The following GRIK2 variants were observed in gnomAD, a reference collection of about 807,000 sequenced individuals.
GRIK2 encodes the protein glutamate ionotropic receptor kainate type subunit 2, also known as glutamate receptor ionotropic, kainate 2.
Under a neutral mutation model 100.3 loss-of-function variants are expected in GRIK2, and 32 were observed. That is an observed-to-expected ratio of 0.32 (90% CI 0.24 to 0.43). GRIK2 has a LOEUF of 0.43. Among genes scored for constraint, GRIK2 ranks in the 20% least tolerant of loss-of-function variants. The pLI is 1.00. For missense variants in GRIK2, 843 were observed against 1,114.9 expected, an observed-to-expected ratio of 0.76 and a Z score of 3.47; for synonymous variants, 417 against 389.4, an observed-to-expected ratio of 1.07 and a Z score of -0.83.
chr6:101,963,090 AT>A (rs1191910669), intron 14 of GRIK2, among the ~76,000 whole-genome samples: 1 of 151,448 alleles, frequency 6.6e-6, no homozygotes, highest in Non-Finnish European at 1.5e-5. Flanking sequence ...CTGCCAATTA[AT>A]TTTTATCTTT....
At chr6:101,511,139 G>A (rs906133443) in intron 2 of GRIK2, among the ~76,000 whole-genome samples, 1 of 152,110 alleles carries the variant, frequency 6.6e-6, no homozygotes, top group South Asian at 2.1e-4. Context: ...ATGTTAAGTA[G>A]CTTACAACAA....
intron 14 of GRIK2, among the ~76,000 whole-genome samples, chr6:101,943,097 C>G (rs906406274): frequency 2.6e-5 from 4 of 152,192 alleles, no homozygotes; most frequent in Non-Finnish European, 4.4e-5. Flanking sequence ...CCCTGAGTAG[C>G]AGCCACTCCA....
In GRIK2 at chr6:101,399,030, G is replaced by A. The variant is rs986349840; in HGVS notation, c.-248G>A. On this transcript the variant is annotated 5_prime_UTR_variant, in exon 2 of 17. Coordinates refer to ENST00000369134, the MANE Select transcript of GRIK2 (RefSeq NM_021956.5). Reference sequence around the variant, plus strand: ...TGGGTGTGCGTGCTGGATTTCTCCCGGATGCTCTCCGACTAACATGGATGT... The same window carrying A: ...TGGGTGTGCGTGCTGGATTTCTCCCAGATGCTCTCCGACTAACATGGATGT... The A allele has an allele frequency of 2.3e-6, 1 of 442,928 alleles. No individual in the cohort carries two copies. Among genetic ancestry groups the A allele is most frequent in the Non-Finnish European group, 4.0e-6 (1 of 250,954 alleles). The allele number at this position is 442,928 out of a possible 1,614,324, so 27.4% of individuals were successfully genotyped here. A position where few individuals can be genotyped will look rare whatever the true frequency, so the allele number is the denominator to read the frequency against.
chr6:101,903,201 T>C (rs1787996466), intron 12 of GRIK2, among the ~76,000 whole-genome samples: 1 of 151,892 alleles, frequency 6.6e-6, no homozygotes, highest in African/African-American at 2.4e-5. Flanking sequence ...TAGATCGCCC[T>C]AGCTGCAAGA....
At chr6:101,827,610 A>G (rs897228835) in intron 10 of GRIK2, among the ~76,000 whole-genome samples, 3 of 152,030 alleles carry the variant, frequency 2.0e-5, no homozygotes, top group African/African-American at 7.2e-5. Flanking sequence ...AAACAAAAAA[A>G]GGACAGGGAT....
At chr6:101,988,719 A>T (rs1391076386) in intron 14 of GRIK2, among the ~76,000 whole-genome samples, 2 of 151,900 alleles carry the variant, frequency 1.3e-5, no homozygotes, top group Non-Finnish European at 2.9e-5. Context: ...GCCTGTGGAT[A>T]TACACTCCTG....
At chr6:101,956,306 G>T (rs961698570) in intron 14 of GRIK2, among the ~76,000 whole-genome samples, 27 of 151,992 alleles carry the variant, frequency 1.8e-4, no homozygotes, top group African/African-American at 6.5e-4. Flanking sequence ...AGCCACATGA[G>T]ATATTAATTT....
rs142139605 is a variant in GRIK2, at chr6:102,015,654, C to T, written c.2086-19687C>T. 4.6e-3 allele frequency among the ~76,000 whole-genome samples: 700 copies of T among 152,288 alleles called. 4 individuals are homozygous for T. Among genetic ancestry groups the T allele is most frequent in the Middle Eastern group, 0.01 (3 of 294 alleles). ...CAGCAGCTAAATGCATGTACTCCAC[C>T]GTGCTGCTGCTGCTACTGCTTCTGG... is the stretch of plus-strand genomic sequence containing the variant. On this transcript the variant is annotated intron_variant, in intron 14 of 16. Transcript: ENST00000369134.
intron 12 of GRIK2, among the ~76,000 whole-genome samples, chr6:101,914,495 G>A (rs1788966899): frequency 6.6e-6 from 1 of 151,354 alleles, no homozygotes; most frequent in Non-Finnish European, 1.5e-5. Flanking sequence ...GAGCAAATAG[G>A]CTAGCTGTAT....
intron 7 of GRIK2, among the ~76,000 whole-genome samples, chr6:101,772,444 C>A (rs1386816411): frequency 6.6e-6 from 1 of 152,156 alleles, no homozygotes; most frequent in African/African-American, 2.4e-5. Flanking sequence ...CACTGAGTTA[C>A]TAGGACCATA....
At chr6:101,560,585 T>G (rs1482061468) in intron 2 of GRIK2, among the ~76,000 whole-genome samples, 3 of 152,018 alleles carry the variant, frequency 2.0e-5, no homozygotes, top group Non-Finnish European at 4.4e-5. Flanking sequence ...TAAAAAAAAT[T>G]GATAATTAAA....
rs551894488 is a variant in GRIK2 at position 101,896,171 on chromosome 6, G to A, written c.1748+6308G>A. 3.3e-5 allele frequency among the ~76,000 whole-genome samples: 5 copies of A among 151,814 alleles called. 1 individual carries two copies. Among genetic ancestry groups the A allele is most frequent in the African/African-American group, 1.2e-4 (5 of 41,532 alleles). Reference sequence around the variant, plus strand: ...CCAACCCAGAAAAAATTCTTAGTTTGTATCTTTAGTAGAACCAAACCAATT... The same window carrying A: ...CCAACCCAGAAAAAATTCTTAGTTTATATCTTTAGTAGAACCAAACCAATT... On this transcript the variant is annotated intron_variant, in intron 12 of 16. Coordinates refer to ENST00000369134, the MANE Select transcript of GRIK2 (RefSeq NM_021956.5).
At chr6:101,556,852 G>T (rs765637029) in intron 2 of GRIK2, among the ~76,000 whole-genome samples, 14 of 152,258 alleles carry the variant, frequency 9.2e-5, no homozygotes, top group Middle Eastern at 3.4e-3. Flanking sequence ...GTATTTCAGA[G>T]ACTTCTTAAT....
intron 4 of GRIK2, among the ~76,000 whole-genome samples, chr6:101,627,117 C>CTGTGTGTGTGTGTGTGTGTG (rs111285339): frequency 6.9e-6 from 1 of 144,962 alleles, no homozygotes. Context: ...GTGTGTGTCT[C>CTGTGTGTGTGTGTGTGTGTG]TGTGTGTGTG....
At chr6:101,642,125 A>T (rs1312118215) in intron 4 of GRIK2, among the ~76,000 whole-genome samples, 2 of 151,878 alleles carry the variant, frequency 1.3e-5, no homozygotes, top group Non-Finnish European at 2.9e-5. Flanking sequence ...CTTTTAAAGA[A>T]TTTTGCAAAA....
chr6:102,029,827 G>A (rs1170796915), intron 14 of GRIK2, among the ~76,000 whole-genome samples: 2 of 151,190 alleles, frequency 1.3e-5, no homozygotes, highest in East Asian at 2.0e-4. Flanking sequence ...TATATTTACA[G>A]TGTTGGAGAG....
chr6:101,787,441 A>G (rs1057038685), intron 7 of GRIK2, among the ~76,000 whole-genome samples: 5 of 152,154 alleles, frequency 3.3e-5, no homozygotes, highest in South Asian at 2.1e-4. Context: ...ACATATTGCT[A>G]TAAACTTCCC....
intron 12 of GRIK2, among the ~76,000 whole-genome samples, chr6:101,902,988 C>T (rs747310309): frequency 6.6e-6 from 1 of 151,730 alleles, no homozygotes; most frequent in African/African-American, 2.4e-5. Context: ...AACCTAACAC[C>T]TCTATCTACC....
chr6:101,829,700 T>A (rs1024221108), intron 10 of GRIK2, among the ~76,000 whole-genome samples: 3 of 151,832 alleles, frequency 2.0e-5, no homozygotes, highest in African/African-American at 4.8e-5. Context: ...ATGCGAAATG[T>A]CTTTATGAGG....
Sources: gnomAD v4.1 joint callset for allele counts (sites outside exome capture counted in the v4.1 genomes callset) on GRCh38, gnomAD v4.1.1 for gene constraint, MANE v1.5 for transcripts, NCBI Gene and HGNC (gene_info 2026-07-23, HGNC 2026-07-21) for gene names.